ZFPM2: variants seen among roughly 807,000 people sequenced by gnomAD.
The protein encoded by ZFPM2 is zinc finger protein ZFPM2.
Under a neutral mutation model 98.6 loss-of-function variants are expected in ZFPM2, and 20 were observed. The ratio of observed to expected loss-of-function variants is 0.20; its 90% CI spans 0.14 to 0.29. The LOEUF (loss-of-function observed/expected upper bound fraction) is 0.29, where lower values mean the gene tolerates loss of function less well. Ranked by LOEUF, ZFPM2 falls within the 10% of genes least tolerant of loss-of-function variation. ZFPM2 has a pLI of 1.00. For synonymous variants in ZFPM2, 518 were observed against 502.7 expected (o/e 1.03, Z -0.41); for missense variants, 1,310 against 1,388.6 (o/e 0.94, Z 0.90).
At chr8:105,715,825 A>T (rs1811511417) in intron 5 of ZFPM2, among the ~76,000 whole-genome samples, 1 of 152,008 alleles carries the variant, frequency 6.6e-6, no homozygotes, top group Admixed American at 6.6e-5. Flanking sequence ...AGATTCTTGG[A>T]CTTTGCCCCA....
intron 5 of ZFPM2, chr8:105,679,014 T>C (rs1189774609): frequency 6.6e-6 from 1 of 152,134 alleles, no homozygotes; most frequent in African/African-American, 2.4e-5. Flanking sequence ...CTTAAACAAA[T>C]AAAAAACTCT....
chr8:105,516,941 C>T (rs79391060), intron 3 of ZFPM2, among the ~76,000 whole-genome samples: 7 of 152,254 alleles, frequency 4.6e-5, no homozygotes, highest in African/African-American at 1.4e-4. Context: ...ATGTCTTTTG[C>T]GTCTATAGCT....
chr8:105,375,546 C>T (rs1810708181), intron 1 of ZFPM2, among the ~76,000 whole-genome samples: 1 of 152,124 alleles, frequency 6.6e-6, no homozygotes, highest in Non-Finnish European at 1.5e-5. Context: ...AGTGTTCCAA[C>T]TGCTGGTAAC....
At chr8:105,329,605 A>G (rs1188651561) in intron 1 of ZFPM2, among the ~76,000 whole-genome samples, 1 of 151,854 alleles carries the variant, frequency 6.6e-6, no homozygotes, top group Non-Finnish European at 1.5e-5. Context: ...GCCAAATTTA[A>G]TATTAAATTT....
chr8:105,385,645 C>G (rs1810972920), intron 1 of ZFPM2, among the ~76,000 whole-genome samples: 1 of 152,174 alleles, frequency 6.6e-6, no homozygotes, highest in Non-Finnish European at 1.5e-5. Context: ...TAAATACATG[C>G]AAATATTATT....
chr8:105,531,680 A>C (rs1814301030), intron 3 of ZFPM2, among the ~76,000 whole-genome samples: 1 of 152,220 alleles, frequency 6.6e-6, no homozygotes, highest in South Asian at 2.1e-4. Flanking sequence ...ATACTTTCAG[A>C]ATCATTTTTG....
intron 4 of ZFPM2, among the ~76,000 whole-genome samples, chr8:105,567,764 T>G (rs2130713190): frequency 6.6e-6 from 1 of 152,282 alleles, no homozygotes; most frequent in East Asian, 1.9e-4. Flanking sequence ...ATAATCGGTA[T>G]TCAATAACTG....
At chr8:105,469,898 A>G (rs1015407840) in intron 3 of ZFPM2, among the ~76,000 whole-genome samples, 2 of 152,208 alleles carry the variant, frequency 1.3e-5, no homozygotes, top group African/African-American at 4.8e-5. Flanking sequence ...GGGCATAACA[A>G]AGTGCCTGGC....
rs146331074 is a variant in ZFPM2 at position 105,511,503 on chromosome 8, T to C, written c.302-49860T>C. On this transcript the variant is annotated intron_variant, in intron 3 of 7. Coordinates refer to ENST00000407775, the MANE Select transcript of ZFPM2 (RefSeq NM_012082.4). Reference sequence around the variant, plus strand: ...CCAACCCAAATTATGGTAGTGATTGTCATGAACCTTTGCTTTATTTTGACT... The same window carrying C: ...CCAACCCAAATTATGGTAGTGATTGCCATGAACCTTTGCTTTATTTTGACT... Among the ~76,000 whole-genome samples the C allele has an allele frequency of 4.0e-3, 613 of 152,338 alleles. 4 individuals are homozygous for C. Among genetic ancestry groups the C allele is most frequent in the African/African-American group, 0.014 (583 of 41,592 alleles).
chr8:105,740,730 C>A (rs1429387632), intron 5 of ZFPM2, among the ~76,000 whole-genome samples: 1 of 151,504 alleles, frequency 6.6e-6, no homozygotes, highest in Non-Finnish European at 1.5e-5. Flanking sequence ...CCCTAGGAAA[C>A]AAATATAGCA....
chr8:105,360,186 C>T (rs561622946), intron 1 of ZFPM2, among the ~76,000 whole-genome samples: 6 of 152,006 alleles, frequency 3.9e-5, no homozygotes, highest in South Asian at 2.1e-4. Context: ...GTCTCTGTAC[C>T]GAATTATTAT....
At chr8:105,484,316 A>T (rs577720213) in intron 3 of ZFPM2, among the ~76,000 whole-genome samples, 1 of 152,154 alleles carries the variant, frequency 6.6e-6, no homozygotes, top group South Asian at 2.1e-4. Flanking sequence ...AAATTAGTTA[A>T]GTCTAATCAA....
At chr8:105,664,219 T>C (rs1817446629) in intron 5 of ZFPM2, among the ~76,000 whole-genome samples, 2 of 152,162 alleles carry the variant, frequency 1.3e-5, no homozygotes, top group Admixed American at 6.5e-5. Context: ...TTGAAAATAG[T>C]GATTCACTAA....
At chr8:105,366,720 C>A (rs1810520183) in intron 1 of ZFPM2, among the ~76,000 whole-genome samples, 1 of 137,738 alleles carries the variant, frequency 7.3e-6, no homozygotes, top group Non-Finnish European at 1.5e-5. Flanking sequence ...CTTCCTGTGT[C>A]CATGTGATCT....
chr8:105,802,048 T>C lies in ZFPM2; in HGVS notation c.1966T>C (p.Ser656Pro), dbSNP rs1273452035. 6.2e-7 allele frequency: 1 copy of C among 1,613,646 alleles called. No individual in the cohort carries two copies. Among genetic ancestry groups the C allele is most frequent in the Admixed American group, 1.7e-5 (1 of 59,972 alleles). ...CACTCAAACTAAGAAGCTCTCCACC[T>C]CCAGTAACAATGATGACAAAATTAA... ...FSTQTKKLST[S>P]SNNDDKINGK... Residue 656 changes from serine to proline, a missense_variant, in exon 8 of 8, where the codon TCC becomes CCC. Physicochemically the swap from Ser to Pro is moderately conservative, Grantham distance 74. Transcript: ENST00000407775.
At chr8:105,712,406 C>G (rs561709505) in intron 5 of ZFPM2, among the ~76,000 whole-genome samples, 4 of 152,126 alleles carry the variant, frequency 2.6e-5, no homozygotes, top group African/African-American at 9.6e-5. Flanking sequence ...TTGGAGGCAA[C>G]CTTCATCAAA....
At chr8:105,779,001 G>T (rs1161758457) in intron 5 of ZFPM2, among the ~76,000 whole-genome samples, 1 of 148,032 alleles carries the variant, frequency 6.8e-6, no homozygotes. Flanking sequence ...AGAATTTCTA[G>T]TCTAAAAAAA....
At chr8:105,351,607 A>T (rs139639572) in intron 1 of ZFPM2, among the ~76,000 whole-genome samples, 28 of 152,328 alleles carry the variant, frequency 1.8e-4, no homozygotes, top group African/African-American at 6.0e-4. Flanking sequence ...GCTTGAGCAG[A>T]TGAGAATAAG....
intron 1 of ZFPM2, among the ~76,000 whole-genome samples, chr8:105,360,051 T>C (rs1812827681): frequency 6.6e-6 from 1 of 152,166 alleles, no homozygotes; most frequent in Non-Finnish European, 1.5e-5. Context: ...TTTTGGCACT[T>C]AGGTTGGTTT....
Sources: allele counts gnomAD v4.1 joint callset (sites outside exome capture counted in the v4.1 genomes callset), GRCh38; gene constraint gnomAD v4.1.1; transcripts MANE v1.5; gene names NCBI Gene and HGNC (gene_info 2026-07-23, HGNC 2026-07-21).